PPP4R1: variants seen among roughly 807,000 people sequenced by gnomAD.
The protein encoded by PPP4R1 is serine/threonine-protein phosphatase 4 regulatory subunit 1.
Under a neutral mutation model 111.2 loss-of-function variants are expected in PPP4R1, and 42 were observed. The observed-to-expected ratio is 0.38, with a 90% CI of 0.29 to 0.49. The LOEUF (loss-of-function observed/expected upper bound fraction) is 0.49, where lower values mean the gene tolerates loss of function less well. Among genes scored for constraint, PPP4R1 ranks in the 20% least tolerant of loss-of-function variants. The probability of loss-of-function intolerance (pLI) is 0.97; values close to 1 mark genes in which losing one functional copy is unlikely to be tolerated. For missense variants in PPP4R1, 1,012 were observed against 1,161.6 expected (o/e 0.87, Z 1.87); for synonymous variants, 409 against 405.5 (o/e 1.01, Z -0.10).
chr18:9,588,045 A>G, intron 6 of PPP4R1, 44 bp downstream of exon 6: 1 of 1,610,570 alleles, frequency 6.2e-7, no homozygotes, highest in Non-Finnish European at 8.5e-7. Context: ...AGCACCTCTT[A>G]TCAGCCACAT....
At position 9,560,096 on chromosome 18, in the gene PPP4R1, A is replaced by G. The variant is rs555511985; in HGVS notation, c.1843-492T>C. Among the ~76,000 whole-genome samples the G allele has an allele frequency of 1.1e-4, 16 of 152,080 alleles. No homozygotes were observed. The East Asian group carries it at 1.2e-3, about 11-fold the overall frequency. Reference sequence around the variant, plus strand: ...ATCACTTGAGCCCAGCCTGGGCAACATGGTGAAACCCCGTCTCTACAAAAA... The same window carrying G: ...ATCACTTGAGCCCAGCCTGGGCAACGTGGTGAAACCCCGTCTCTACAAAAA... On this transcript the variant is annotated intron_variant, in intron 13 of 19. Transcript: ENST00000400556.
intron 8 of PPP4R1, 59 bp from the exon 9 acceptor site, chr18:9,583,334 C>G (rs2067062663): frequency 1.5e-6 from 2 of 1,369,312 alleles, no homozygotes; most frequent in East Asian, 5.2e-5. Context: ...TCATCAGTTA[C>G]TTCGCTTTCA....
chr18:9,557,035 CT>C (rs1282215377), intron 15 of PPP4R1, 185 bp downstream of exon 15: 1 of 492,880 alleles, frequency 2.0e-6, no homozygotes, highest in Non-Finnish European at 3.5e-6. Flanking sequence ...TCATCTAATA[CT>C]GTTTTAAAAG....
At position 9,547,474 on chromosome 18, in the gene PPP4R1, C is replaced by T; in HGVS notation, c.*315G>A. ...CAGGTCTCTGGGAATCTCATCCCTT[C>T]CATAAGGAAAATGCTCTGCCAATTC... On this transcript the variant is annotated 3_prime_UTR_variant, in exon 20 of 20. Coordinates refer to ENST00000400556, the MANE Select transcript of PPP4R1 (RefSeq NM_001042388.3). The T allele has an allele frequency of 4.2e-6, 1 of 236,020 alleles. No homozygotes were observed. The highest frequency in any genetic ancestry group is 1.0e-4 in the South Asian group (1 of 9,858). 14.6% of individuals were successfully genotyped at this position (236,020 alleles called of 1,614,324 possible).
At chr18:9,550,696 TG>T (rs2066475308) in intron 16 of PPP4R1, 1 of 288,056 alleles carries the variant, frequency 3.5e-6, no homozygotes, top group Admixed American at 4.9e-5. Flanking sequence ...AACTGGAACA[TG>T]GCCCACACTG....
chr18:9,563,453 T>C lies in PPP4R1; in HGVS notation c.1671A>G (p.Glu557=). ...AATTTGGTAGCTCATTTATATCCAG[T>C]TCATCTTGCAAATCACTTCTCTTTT... ...SIEKRSDLQD[E]LDINELPNCK... is the part of the protein sequence containing the mutation. The change falls in exon 12 of 20, where the codon GAA becomes GAG. Residue 557 remains glutamate (E), a synonymous_variant. Coordinates refer to ENST00000400556, the MANE Select transcript of PPP4R1 (RefSeq NM_001042388.3). 6 of 1,610,312 alleles carry C rather than the reference T, an allele frequency of 3.7e-6. No homozygotes were observed. Among genetic ancestry groups the C allele is most frequent in the Non-Finnish European group, 5.1e-6 (6 of 1,176,804 alleles).
intron 9 of PPP4R1, 151 bp from the exon 10 acceptor site, chr18:9,577,342 C>T: frequency 1.0e-6 from 1 of 953,808 alleles, no homozygotes; most frequent in Middle Eastern, 3.2e-4. Flanking sequence ...AGATTCAGAA[C>T]TTTAGCTAGG....
rs1371496597 is a variant in PPP4R1, at chr18:9,614,072, AT to A, written c.52+153del. The stretch of plus-strand genomic sequence containing the variant: ...CGCGCCGTTTCCTCACGGACGCGAG[AT>A]TTTCCCCCCCGATCGCCACCCCAGC... On this transcript the variant is annotated intron_variant, in intron 2 of 19. Coordinates refer to ENST00000400556, the MANE Select transcript of PPP4R1 (RefSeq NM_001042388.3). This position sits in a 1 kb window ranked among gnomAD's most constrained non-coding sequence, Gnocchi z 4.1. 84 of 561,342 alleles carry A rather than the reference AT, an allele frequency of 1.5e-4. No individual in the cohort carries two copies. Among genetic ancestry groups the A allele is most frequent in the African/African-American group, 8.5e-4 (42 of 49,466 alleles). 34.8% of individuals were successfully genotyped at this position (561,342 alleles called of 1,614,324 possible). A position where few individuals can be genotyped will look rare whatever the true frequency, so the allele number is the denominator to read the frequency against.
At position 9,553,374 on chromosome 18, in the gene PPP4R1, A is replaced by C; in HGVS notation, c.2239T>G (p.Phe747Val). 6.2e-7 allele frequency: 1 copy of C among 1,602,600 alleles called. No homozygotes were observed. The highest frequency in any genetic ancestry group is 8.5e-7 in the Non-Finnish European group (1 of 1,170,274). Residue 747 changes from phenylalanine (F) to valine (V), a missense_variant, in exon 16 of 20, where the codon TTT becomes GTT. By Grantham distance (50) the Phe-to-Val change is conservative (BLOSUM62 -1). Coordinates refer to ENST00000400556, the MANE Select transcript of PPP4R1 (RefSeq NM_001042388.3). ...RREYLYQLQE[F>V]LVTDNSRNWR... ...TTTCTACTATTATCTGTCACCAAAA[A>C]CTCCTGAAGTTGATAAAGATATTCT...
intron 2 of PPP4R1, among the ~76,000 whole-genome samples, chr18:9,605,074 T>C (rs988530629): frequency 1.3e-4 from 20 of 152,116 alleles, no homozygotes; most frequent in Admixed American, 2.0e-4. Context: ...ACGTAAAACA[T>C]AAAAAAGCTC....
rs772821340 is a variant in PPP4R1, at chr18:9,558,714, T to TTTA, written c.2028+704_2028+705insTAA. On this transcript the variant is annotated intron_variant, in intron 14 of 19. Coordinates refer to ENST00000400556, the MANE Select transcript of PPP4R1 (RefSeq NM_001042388.3). ...TAATCAGACTGTTTTTTTTTTTTTT[T>TTTA]AAATAACTGAGAGATCAACTTCACT... is the stretch of plus-strand genomic sequence containing the variant. 4.9e-3 allele frequency among the ~76,000 whole-genome samples: 746 copies of TTTA among 150,874 alleles called. 8 individuals carry two copies. Among genetic ancestry groups the TTTA allele is most frequent in the African/African-American group, 0.016 (672 of 40,920 alleles).
chr18:9,571,180 G>C (rs935131274), intron 10 of PPP4R1, among the ~76,000 whole-genome samples: 4 of 152,174 alleles, frequency 2.6e-5, no homozygotes, highest in African/African-American at 9.7e-5. Context: ...TAAGATAGTA[G>C]TAGGAAAGAT....
At chr18:9,568,422 G>A (rs1001771868) in intron 11 of PPP4R1, among the ~76,000 whole-genome samples, 2 of 152,172 alleles carry the variant, frequency 1.3e-5, no homozygotes, top group Non-Finnish European at 2.9e-5. Context: ...TCCAAGGTAT[G>A]CTGTTATTTG....
At chr18:9,584,882 GTTAAA>G (rs1198418806) in intron 6 of PPP4R1, 54 bp from the exon 7 acceptor site, 4 of 1,334,274 alleles carry the variant, frequency 3.0e-6, no homozygotes, top group Non-Finnish European at 4.2e-6. Flanking sequence ...GCCTCTTTCA[GTTAAA>G]TTAAATAATA....
chr18:9,561,039 G>C (rs748550763), intron 13 of PPP4R1, among the ~76,000 whole-genome samples: 1 of 151,320 alleles, frequency 6.6e-6, no homozygotes. Context: ...CCAACACGGC[G>C]AAACACTGTC....
At chr18:9,610,298 T>C (rs566007401) in intron 2 of PPP4R1, among the ~76,000 whole-genome samples, 1 of 152,204 alleles carries the variant, frequency 6.6e-6, no homozygotes, top group South Asian at 2.1e-4. Flanking sequence ...TAATTAAATA[T>C]AAAAAGTTAA....
At chr18:9,558,130 A>G (rs60290408) in intron 14 of PPP4R1, among the ~76,000 whole-genome samples, 16,721 of 152,234 alleles carry the variant, frequency 0.11, 1,012 homozygotes, top group African/African-American at 0.16. Context: ...TTACATAGTA[A>G]CTTAAAATTT....
At chr18:9,570,044 C>T in intron 11 of PPP4R1, 113 bp downstream of exon 11, 1 of 1,164,712 alleles carries the variant, frequency 8.6e-7, no homozygotes. Context: ...GTCACTGTGC[C>T]CAGTCCATAA....
chr18:9,554,360 C>G (rs1396553944), intron 15 of PPP4R1, among the ~76,000 whole-genome samples: 2 of 152,048 alleles, frequency 1.3e-5, no homozygotes, highest in African/African-American at 4.8e-5. Flanking sequence ...ATCTCCTGAC[C>G]TCAGGTGATC....
Sources: allele counts gnomAD v4.1 joint callset (sites outside exome capture counted in the v4.1 genomes callset), GRCh38; gene constraint gnomAD v4.1.1; non-coding constraint Gnocchi (gnomAD v3.1); transcripts MANE v1.5; gene names NCBI Gene and HGNC (gene_info 2026-07-23, HGNC 2026-07-21).